Variants in RBL2 observed in about 807,000 individuals in gnomAD.
The protein encoded by RBL2 is RB transcriptional corepressor like 2.
RBL2 carries 56 observed loss-of-function variants against 126.0 expected under a neutral mutation model. The observed-to-expected ratio is 0.44, with a 90% CI of 0.36 to 0.56. The LOEUF (loss-of-function observed/expected upper bound fraction) is 0.56. RBL2 is among the 20% of genes least tolerant of loss of function. RBL2 has a pLI of 0.00. For synonymous variants in RBL2, 454 were observed against 478.5 expected (o/e 0.95, Z 0.67); for missense variants, 1,229 against 1,398.2 (o/e 0.88, Z 1.93).
At chr16:53,439,983 G>T (rs1394004234) in intron 2 of RBL2, among the ~76,000 whole-genome samples, 5 of 139,278 alleles carry the variant, frequency 3.6e-5, no homozygotes, top group South Asian at 2.2e-4. Context: ...AAAAAAGAAG[G>T]TTACTATTAA....
chr16:53,465,406 T>A (rs914006954), intron 12 of RBL2, 32 bp from the exon 13 acceptor site: 2 of 1,336,558 alleles, frequency 1.5e-6, no homozygotes, highest in African/African-American at 3.0e-5. Flanking sequence ...ATTTAATAAT[T>A]ATTCAGTGAA....
At position 53,490,163 on chromosome 16, in the gene RBL2, G is replaced by C. The variant is rs1186912566; in HGVS notation, c.3283G>C (p.Gly1095Arg). The stretch of plus-strand genomic sequence containing the variant: ...AGAAATTAATAGTATGATACGCACA[G>C]GAGAAACTCCTACTAAAAAGAGAGG... ...LREINSMIRT[G>R]ETPTKKRGIL... Residue 1095 changes from glycine (G) to arginine (R), a missense_variant, in exon 22 of 22, where the codon GGA (glycine) becomes CGA (arginine). Physicochemically the swap from Gly to Arg is moderately radical, Grantham distance 125. This residue lies in a region of RBL2 where 1,070 missense variants were observed against 1,274.3 expected (regional missense o/e 0.84). Coordinates refer to ENST00000262133, the MANE Select transcript of RBL2 (RefSeq NM_005611.4). 6.2e-7 allele frequency: 1 copy of C among 1,610,996 alleles called. No homozygotes were observed. The highest frequency in any genetic ancestry group is 8.5e-7 in the Non-Finnish European group (1 of 1,178,388).
chr16:53,473,022 T>C (rs1487895297), intron 17 of RBL2, among the ~76,000 whole-genome samples: 1 of 152,194 alleles, frequency 6.6e-6, no homozygotes, highest in Non-Finnish European at 1.5e-5. Context: ...AACATTTGGG[T>C]TTATTTCTGA....
In RBL2 at chr16:53,467,096, T is replaced by G. The variant is rs1202796927; in HGVS notation, c.1902T>G (p.Ile634Met). 6.8e-6 allele frequency: 11 copies of G among 1,613,952 alleles called. No homozygotes were observed. Among genetic ancestry groups the G allele is most frequent in the Non-Finnish European group, 9.3e-6 (11 of 1,179,988 alleles). Residue 634 changes from isoleucine to methionine, a missense_variant, in exon 14 of 22, where the codon ATT becomes ATG. Ile to Met is a conservative substitution (Grantham distance 10). This residue lies in a region of RBL2 where 1,070 missense variants were observed against 1,274.3 expected (regional missense o/e 0.84). Coordinates refer to ENST00000262133, the MANE Select transcript of RBL2 (RefSeq NM_005611.4). ...AGAACCTGGAAAGGGCAGATGAAAT[T>G]TGCATTGCTGGCTCCCCTTTGACTC... ...PPQNLERADE[I>M]CIAGSPLTPR...
At chr16:53,461,125 G>A (rs1233817200) in intron 9 of RBL2, among the ~76,000 whole-genome samples, 1 of 152,186 alleles carries the variant, frequency 6.6e-6, no homozygotes, top group Admixed American at 6.5e-5. Flanking sequence ...GACTGGGGAT[G>A]TGTAGGACAG....
chr16:53,454,595 A>G (rs2058148630), intron 7 of RBL2, 61 bp from the exon 8 acceptor site: 1 of 1,369,798 alleles, frequency 7.3e-7, no homozygotes, highest in East Asian at 2.3e-5. Flanking sequence ...AAATGAAATA[A>G]TTAATTGAAA....
intron 17 of RBL2, among the ~76,000 whole-genome samples, chr16:53,475,485 G>A (rs544589430): frequency 6.6e-6 from 1 of 152,246 alleles, no homozygotes; most frequent in African/African-American, 2.4e-5. Context: ...CAAAGTGCTG[G>A]GATTGCAGGC....
At chr16:53,439,258 C>A in intron 2 of RBL2, 112 bp downstream of exon 2, 1 of 987,206 alleles carries the variant, frequency 1.0e-6, no homozygotes, top group Non-Finnish European at 1.4e-6. Flanking sequence ...TACCTGTGGA[C>A]TGGTGAAATT....
At chr16:53,465,322 A>G (rs1204216862) in intron 12 of RBL2, 116 bp from the exon 13 acceptor site, 2 of 616,778 alleles carry the variant, frequency 3.2e-6, no homozygotes, top group Non-Finnish European at 4.9e-6. Context: ...AGACAGTAAA[A>G]GGAAGAGCGG....
At chr16:53,467,261 C>A in intron 14 of RBL2, 92 bp downstream of exon 14, 1 of 1,012,398 alleles carries the variant, frequency 9.9e-7, no homozygotes, top group Non-Finnish European at 1.5e-6. Context: ...ATAGGGTATA[C>A]ATAGAAGAAA....
chr16:53,451,304 A>G (rs1027442878), intron 4 of RBL2, among the ~76,000 whole-genome samples: 1 of 152,082 alleles, frequency 6.6e-6, no homozygotes, highest in Non-Finnish European at 1.5e-5. Context: ...CCAGGAGTTC[A>G]AGACCAGCCT....
Position 53,451,606 on chromosome 16 carries a change from T to C in RBL2, c.638-97T>C, listed in dbSNP as rs1022764214. On this transcript the variant is annotated intron_variant, in intron 4 of 21. Transcript: ENST00000262133. ...ATTGTAATGAGTCAATTTTGTACAA[T>C]TGTTTTGTAATGTCATAATAAGTAA... 12 of 1,350,366 alleles carry C rather than the reference T, an allele frequency of 8.9e-6. No individual in the cohort carries two copies. In the African/African-American group the frequency reaches 1.6e-4, roughly 18 times the overall value. 83.6% of individuals were successfully genotyped at this position (1,350,366 alleles called of 1,614,324 possible).
Position 53,470,183 on chromosome 16 carries a change from A to G in RBL2, c.2243A>G (p.Gln748Arg), listed in dbSNP as rs757817883. ...NNGQTVTIPV[Q>R]GIANENGGIT... Reference sequence around the variant, plus strand: ...GGGCAAACGGTAACCATTCCTGTGCAAGGTAAGGAAGGCAGAGTTGGATAT... The same window carrying G: ...GGGCAAACGGTAACCATTCCTGTGCGAGGTAAGGAAGGCAGAGTTGGATAT... Residue 748 changes from glutamine to arginine, a missense_variant and splice_region_variant, in exon 15 of 22, where the codon CAA (glutamine) becomes CGA (arginine). Gln to Arg is a conservative substitution (Grantham distance 43). Transcript: ENST00000262133. The G allele has an allele frequency of 1.2e-6, 2 of 1,600,658 alleles. No individual in the cohort carries two copies. The highest frequency in any genetic ancestry group is 1.7e-6 in the Non-Finnish European group (2 of 1,170,280).
intron 17 of RBL2, among the ~76,000 whole-genome samples, chr16:53,472,845 G>A (rs992094325): frequency 2.6e-5 from 4 of 152,102 alleles, no homozygotes; most frequent in African/African-American, 9.7e-5. Flanking sequence ...CTCATAGTTA[G>A]GTCTTTGATC....
At chr16:53,450,582 A>G (rs1221929425) in intron 4 of RBL2, among the ~76,000 whole-genome samples, 2 of 152,200 alleles carry the variant, frequency 1.3e-5, no homozygotes, top group Non-Finnish European at 2.9e-5. Context: ...TAATAATAAA[A>G]TGGTTTAACT....
At chr16:53,475,453 C>T (rs1969262879) in intron 17 of RBL2, among the ~76,000 whole-genome samples, 1 of 152,106 alleles carries the variant, frequency 6.6e-6, no homozygotes, top group Admixed American at 6.6e-5. Flanking sequence ...TGGCCTCAAG[C>T]GATCCATCCA....
At chr16:53,443,618 T>C (rs948840454) in intron 3 of RBL2, among the ~76,000 whole-genome samples, 6 of 152,194 alleles carry the variant, frequency 3.9e-5, no homozygotes, top group African/African-American at 1.4e-4. Flanking sequence ...GGAATACACA[T>C]TTTCCTTCTT....
At chr16:53,478,028 C>T (rs1960797181) in intron 17 of RBL2, among the ~76,000 whole-genome samples, 1 of 152,074 alleles carries the variant, frequency 6.6e-6, no homozygotes, top group Non-Finnish European at 1.5e-5. Flanking sequence ...ATTTATTTTA[C>T]CTTCATTTCT....
At position 53,439,121 on chromosome 16, in the gene RBL2, A is replaced by G. The variant is rs149552198; in HGVS notation, c.346A>G (p.Arg116Gly). The G allele has an allele frequency of 8.9e-5, 143 of 1,605,292 alleles. No homozygotes were observed. The highest frequency in any genetic ancestry group is 1.1e-4 in the Non-Finnish European group (128 of 1,176,344). ...GGAAGGAAACTATGTATCTTTAACT[A>G]GAATCCTGAAATGTTCAGAGCAGAG... ...TVEGNYVSLT[R>G]ILKCSEQSLI... is the part of the protein sequence containing the mutation. Residue 116 changes from arginine (R) to glycine (G), a missense_variant, in exon 2 of 22, where the codon AGA becomes GGA. Transcript: ENST00000262133.
Sources: allele counts gnomAD v4.1 joint callset (sites outside exome capture counted in the v4.1 genomes callset), GRCh38; gene constraint gnomAD v4.1.1; regional missense constraint gnomAD v4.1.1; transcripts MANE v1.5; gene names NCBI Gene and HGNC (gene_info 2026-07-23, HGNC 2026-07-21).